Variants in VPS8 observed in about 807,000 individuals in gnomAD.
VPS8 encodes VPS8 subunit of CORVET complex.
VPS8 carries 129 observed loss-of-function variants against 216.4 expected under a neutral mutation model. The ratio of observed to expected loss-of-function variants is 0.60; its 90% confidence interval spans 0.52 to 0.69. The LOEUF is 0.69. VPS8 is among the 30% of genes least tolerant of loss of function. VPS8 has a pLI of 0.00. For synonymous variants in VPS8, 571 were observed against 565.4 expected (o/e 1.01, Z -0.14); for missense variants, 1,531 against 1,683.5 (o/e 0.91, Z 1.59).
intron 9 of VPS8, 144 bp downstream of exon 9, chr3:184,849,339 T>A (rs937494555): frequency 5.0e-5 from 50 of 1,000,704 alleles, no homozygotes; most frequent in Non-Finnish European, 7.0e-5. Context: ...GAATCTGAGT[T>A]TTGTCTTGTT....
chr3:185,040,677 A>C (rs1759499102), intron 46 of VPS8, among the ~76,000 whole-genome samples: 1 of 152,110 alleles, frequency 6.6e-6, no homozygotes, highest in African/African-American at 2.4e-5. Context: ...GAACCAAAGC[A>C]CATAAACTTT....
intron 21 of VPS8, among the ~76,000 whole-genome samples, chr3:184,876,011 C>T (rs1729208923): frequency 6.6e-6 from 1 of 151,136 alleles, no homozygotes; most frequent in South Asian, 2.1e-4. Context: ...AAAGAGTTGT[C>T]TCCATTTCCT....
chr3:184,907,610 A>G (rs1003508095), intron 25 of VPS8, among the ~76,000 whole-genome samples: 1 of 152,188 alleles, frequency 6.6e-6, no homozygotes, highest in East Asian at 1.9e-4. Flanking sequence ...TCTGCACACC[A>G]TGGTGCCATA....
At chr3:184,882,237 G>A (rs1292903631) in intron 21 of VPS8, 1 of 355,780 alleles carries the variant, frequency 2.8e-6, no homozygotes, top group African/African-American at 2.1e-5. Flanking sequence ...TCAAGTTGAG[G>A]AAGTTCCCCT....
chr3:184,963,209 C>G (rs546107953), intron 37 of VPS8, among the ~76,000 whole-genome samples: 57 of 152,040 alleles, frequency 3.7e-4, no homozygotes, highest in Non-Finnish European at 6.6e-4. Context: ...TCTCAAGTTT[C>G]TTTAAAAGAT....
At chr3:184,964,597 A>C in intron 38 of VPS8, 40 bp downstream of exon 38, 2 of 1,270,198 alleles carry the variant, frequency 1.6e-6, no homozygotes, top group Non-Finnish European at 2.1e-6. Flanking sequence ...ATTTCTGTCT[A>C]TTCCTCTATT....
At chr3:185,024,002 T>A (rs1246480427) in intron 45 of VPS8, among the ~76,000 whole-genome samples, 1 of 152,248 alleles carries the variant, frequency 6.6e-6, no homozygotes, top group Non-Finnish European at 1.5e-5. Context: ...AGTTGCCTTC[T>A]GCAAGAAATG....
chr3:185,033,356 T>C (rs935186886), intron 46 of VPS8, among the ~76,000 whole-genome samples: 6 of 152,252 alleles, frequency 3.9e-5, no homozygotes, highest in Non-Finnish European at 8.8e-5. Flanking sequence ...TTGCCTTTTC[T>C]AGAATGGCAT....
chr3:184,818,302 C>T (rs868841074), intron 1 of VPS8, among the ~76,000 whole-genome samples: 21 of 152,016 alleles, frequency 1.4e-4, no homozygotes, highest in African/African-American at 3.9e-4. Flanking sequence ...GAGGCTGAGG[C>T]GGTCAGATGG....
At position 184,950,216 on chromosome 3, in the gene VPS8, CTTTTTTT is replaced by C. The variant is rs10700220; in HGVS notation, c.3036-7136_3036-7130del. ...AGCAACCACGCCCAGCAGTTTTCTGCTTTTTTTTTTTTTTTTTTTTTTTTTTTTACTC... is the reference window on the plus strand; with the variant it reads ...AGCAACCACGCCCAGCAGTTTTCTGCTTTTTTTTTTTTTTTTTTTTTACTC... On this transcript the variant is annotated intron_variant, in intron 36 of 47. Transcript: ENST00000625842. Among the ~76,000 whole-genome samples the C allele has an allele frequency of 5.3e-4, 21 of 39,932 alleles. No individual in the cohort carries two copies. The South Asian group carries it at 8.1e-3, about 15-fold the overall frequency. The allele number at this position is 39,932 out of a possible 152,430, so 26.2% of individuals were successfully genotyped here.
At chr3:184,948,317 G>T (rs1246380636) in intron 36 of VPS8, among the ~76,000 whole-genome samples, 1 of 151,316 alleles carries the variant, frequency 6.6e-6, no homozygotes, top group Non-Finnish European at 1.5e-5. Context: ...TTCAAGACCA[G>T]CCTGGGCAAC....
intron 31 of VPS8, among the ~76,000 whole-genome samples, chr3:184,927,890 T>C (rs1208394320): frequency 6.6e-6 from 1 of 152,246 alleles, no homozygotes; most frequent in Non-Finnish European, 1.5e-5. Context: ...TGCCGCAGCA[T>C]GCATGTATCA....
intron 9 of VPS8, 107 bp downstream of exon 9, chr3:184,849,302 T>C: frequency 4.6e-6 from 6 of 1,306,594 alleles, no homozygotes; most frequent in South Asian, 1.5e-5. Context: ...TGAAGTAATA[T>C]GTTTGTAGAG....
chr3:184,874,201 A>G lies in VPS8; in HGVS notation c.1734+3396A>G, dbSNP rs528828502. 1.2e-4 allele frequency among the ~76,000 whole-genome samples: 19 copies of G among 152,286 alleles called. 1 individual carries two copies. Among genetic ancestry groups the G allele is most frequent in the Middle Eastern group, 3.4e-3 (1 of 294 alleles). On this transcript the variant is annotated intron_variant, in intron 21 of 47. Coordinates refer to ENST00000625842, the MANE Select transcript of VPS8 (RefSeq NM_001009921.3). The stretch of plus-strand genomic sequence containing the variant: ...TCATATAATTACCTTTTTGAAAGGA[A>G]TATAAAGATAGTATATTCCTGGAAT...
chr3:184,883,969 T>G (rs1358771847), intron 21 of VPS8, among the ~76,000 whole-genome samples: 1 of 152,234 alleles, frequency 6.6e-6, no homozygotes, highest in Non-Finnish European at 1.5e-5. Flanking sequence ...TTTGAGCACA[T>G]ATTCAGTAGG....
chr3:184,824,963 T>C, intron 2 of VPS8, 178 bp downstream of exon 2: 1 of 635,574 alleles, frequency 1.6e-6, no homozygotes, highest in South Asian at 1.7e-5. Context: ...TGGAGTACAG[T>C]GGTGCAAACA....
intron 46 of VPS8, among the ~76,000 whole-genome samples, chr3:185,032,888 C>T (rs1758371610): frequency 6.6e-6 from 1 of 152,158 alleles, no homozygotes; most frequent in Non-Finnish European, 1.5e-5. Context: ...AGGATGATCT[C>T]AATCTCCTGA....
intron 39 of VPS8, among the ~76,000 whole-genome samples, chr3:184,969,082 G>A (rs978390127): frequency 6.6e-6 from 1 of 151,994 alleles, no homozygotes; most frequent in African/African-American, 2.4e-5. Flanking sequence ...GTTACATTTT[G>A]TGGCAATTTT....
In VPS8 at chr3:184,831,034, A is replaced by G. The variant is rs574155409; in HGVS notation, c.223-1655A>G. Among the ~76,000 whole-genome samples the G allele has an allele frequency of 2.0e-5, 3 of 152,364 alleles. No homozygotes were observed. The East Asian group carries it at 5.8e-4, about 29-fold the overall frequency. On this transcript the variant is annotated intron_variant, in intron 3 of 47. Transcript: ENST00000625842. ...GGAAGAGAAGATGAGAGCTTAGAAT[A>G]TAATCCTGGGGGACAATCGTATTTA...
Sources: allele counts gnomAD v4.1 joint callset (sites outside exome capture counted in the v4.1 genomes callset), GRCh38; gene constraint gnomAD v4.1.1; transcripts MANE v1.5; gene names NCBI Gene and HGNC (gene_info 2026-07-23, HGNC 2026-07-21).